Variants in ZNF394 observed in about 807,000 individuals in gnomAD.
ZNF394 encodes the protein zinc finger protein 99.
A neutral mutation model predicts 21.8 loss-of-function variants in ZNF394; 19 were observed. The ratio of observed to expected loss-of-function variants is 0.87; its 90% CI spans 0.61 to 1.28. The LOEUF (loss-of-function observed/expected upper bound fraction) is 1.28, where lower values mean the gene tolerates loss of function less well. ZNF394 is among the 50% of genes most tolerant of loss of function. The probability of loss-of-function intolerance (pLI) is 0.00; values close to 1 mark genes in which losing one functional copy is unlikely to be tolerated. For synonymous variants in ZNF394, 294 were observed against 273.3 expected (o/e 1.08, Z -0.75); for missense variants, 683 against 708.6 (o/e 0.96, Z 0.41).
In ZNF394 at chr7:99,500,214, G is replaced by T. The variant is rs1800480788; in HGVS notation, c.-121C>A. The T allele has an allele frequency of 1.1e-6, 1 of 928,658 alleles. No homozygotes were observed. The highest frequency in any genetic ancestry group is 2.7e-5 in the East Asian group (1 of 36,598). 57.5% of individuals were successfully genotyped at this position (928,658 alleles called of 1,614,324 possible). ...CCAAACACCGGGCCCCACCACACCA[G>T]GCCCCTCTCCACACTCTCCTTTCCT... is the stretch of plus-strand genomic sequence containing the variant. On this transcript the variant is annotated 5_prime_UTR_variant, in exon 1 of 3. It adds an upstream start codon to the 5' untranslated region. Coordinates refer to ENST00000337673, the MANE Select transcript of ZNF394 (RefSeq NM_032164.4).
chr7:99,486,604 T>C (rs1291239335), exon 2 of ZNF394: 1 of 1,614,156 alleles, frequency 6.2e-7, no homozygotes, highest in Non-Finnish European at 8.5e-7. Context: ...GTTACATAAG[T>C]GTAAAGAATT....
chr7:99,499,736 G>T lies in ZNF394; in HGVS notation c.358C>A (p.Leu120Ile). ...EQFLTILPEE[L>I]QAWVREHCPE... ...CAGTGCTCTCGCACCCAGGCTTGAA[G>T]CTCCTCGGGCAGGATGGTGAGGAAC... Residue 120 changes from leucine (L) to isoleucine (I), a missense_variant, in exon 1 of 3, where the codon CTT (leucine) becomes ATT (isoleucine). Coordinates refer to ENST00000337673, the MANE Select transcript of ZNF394 (RefSeq NM_032164.4). The T allele has an allele frequency of 6.2e-7, 1 of 1,614,048 alleles. No individual in the cohort carries two copies. The highest frequency in any genetic ancestry group is 8.5e-7 in the Non-Finnish European group (1 of 1,180,042).
downstream of ZNF394, among the ~76,000 whole-genome samples, chr7:99,490,146 C>CTT (rs943034221): frequency 0.052 from 4,639 of 89,114 alleles, 287 homozygotes; most frequent in East Asian, 0.2. Context: ...AAAACCTCAT[C>CTT]TTTTTTTTTT....
intron 2 of ZNF394, chr7:99,498,515 T>C (rs1298553756): frequency 3.5e-6 from 2 of 566,452 alleles, no homozygotes; most frequent in East Asian, 3.5e-5. Flanking sequence ...TAGTTTTCTG[T>C]ATGTATAAAA....
downstream of ZNF394, among the ~76,000 whole-genome samples, chr7:99,492,969 G>A (rs1562892371): frequency 1.3e-5 from 2 of 152,026 alleles, no homozygotes; most frequent in African/African-American, 4.8e-5. Flanking sequence ...ATACATAAAG[G>A]TAGAGCGCAG....
chr7:99,489,367 C>T (rs540903654), downstream of ZNF394, among the ~76,000 whole-genome samples: 7 of 152,130 alleles, frequency 4.6e-5, no homozygotes, highest in Non-Finnish European at 1.0e-4. Context: ...TCTGGCCTTA[C>T]ACCTTCTGTG....
At position 99,494,792 on chromosome 7, in the gene ZNF394, T is replaced by C. The variant is rs543622891; in HGVS notation, c.584-161A>G. On this transcript the variant is annotated intron_variant, in intron 2 of 2. Transcript: ENST00000337673. ...GCTTTGTCACCAGGCTGGAGTGCAG[T>C]GGTCCGATCTCAGTTCACTGCAACC... Among the ~76,000 whole-genome samples, 4 of 152,302 alleles carry C rather than the reference T, an allele frequency of 2.6e-5. 1 individual carries two copies. The South Asian group carries it at 8.3e-4, about 32-fold the overall frequency.
At chr7:99,488,430 A>G (rs1248631907), downstream of ZNF394, among the ~76,000 whole-genome samples, 1 of 150,882 alleles carries the variant, frequency 6.6e-6, no homozygotes, top group East Asian at 1.9e-4. Context: ...TGGACCTGGG[A>G]GGTGGAGGTT....
At position 99,498,716 on chromosome 7, in the gene ZNF394, T is replaced by G. The variant is rs1800413038; in HGVS notation, c.583A>C (p.Ser195Arg). ...AAACCAGCAGAGCAACAGCACTCAC[T>G]CGGCGGAACTGTGCTCCCGGAATCC... ...QKDSGSTVPP[S>R]LESRVENKEL... The change falls in exon 2 of 3, where the codon AGT (serine) becomes CGT (arginine). Residue 195 changes from serine to arginine, a missense_variant and splice_region_variant. By Grantham distance (110) the Ser-to-Arg change is moderately radical (BLOSUM62 -1). Around this residue, in one of 3 missense-constraint regions of ZNF394, gnomAD observed 402 missense variants for 373.8 expected, o/e 1.08. Coordinates refer to ENST00000337673, the MANE Select transcript of ZNF394 (RefSeq NM_032164.4). The G allele has an allele frequency of 1.2e-5, 19 of 1,613,874 alleles. No homozygotes were observed. Among genetic ancestry groups the G allele is most frequent in the Non-Finnish European group, 1.6e-5 (19 of 1,179,908 alleles).
exon 2 of ZNF394, chr7:99,486,960 T>C: frequency 6.2e-7 from 1 of 1,614,180 alleles, no homozygotes; most frequent in South Asian, 1.1e-5. Flanking sequence ...ATAAACAGTG[T>C]CACCTGCAAA....
chr7:99,490,146 CTTTTTTTTTT>C (rs943034221), downstream of ZNF394, among the ~76,000 whole-genome samples: 1 of 89,194 alleles, frequency 1.1e-5, no homozygotes, highest in African/African-American at 5.0e-5. Flanking sequence ...AAAACCTCAT[CTTTTTTTTTT>C]TTTTTTTTTT....
rs375445747 is a variant in ZNF394 at position 99,499,775 on chromosome 7, G to A, written c.319C>T (p.Leu107=). 2 of 1,614,214 alleles carry A rather than the reference G, an allele frequency of 1.2e-6. No individual in the cohort carries two copies. Among genetic ancestry groups the A allele is most frequent in the South Asian group, 2.2e-5 (2 of 91,084 alleles). ...LLSKEQILEL[L]VLEQFLTILP... ...ATGGTGAGGAACTGCTCCAGCACCA[G>A]CAGCTCCAGGATCTGCTCCTTGGAG... is the stretch of plus-strand genomic sequence containing the variant. Residue 107 remains leucine (L), a synonymous_variant, in exon 1 of 3, where the codon CTG becomes TTG. Coordinates refer to ENST00000337673, the MANE Select transcript of ZNF394 (RefSeq NM_032164.4).
At position 99,500,213 on chromosome 7, in the gene ZNF394, AG is replaced by A; in HGVS notation, c.-121del. The A allele has an allele frequency of 1.1e-6, 1 of 933,742 alleles. No individual in the cohort carries two copies. The highest frequency in any genetic ancestry group is 1.5e-6 in the Non-Finnish European group (1 of 645,282). The allele number at this position is 933,742 out of a possible 1,614,324, so 57.8% of individuals were successfully genotyped here. On this transcript the variant is annotated 5_prime_UTR_variant, in exon 1 of 3. Coordinates refer to ENST00000337673, the MANE Select transcript of ZNF394 (RefSeq NM_032164.4). ...CCCAAACACCGGGCCCCACCACACC[AG>A]GCCCCTCTCCACACTCTCCTTTCCT...
At chr7:99,499,011 G>A (rs1186618877) in intron 1 of ZNF394, among the ~76,000 whole-genome samples, 169 bp from the exon 2 acceptor site, 29 of 152,234 alleles carry the variant, frequency 1.9e-4, no homozygotes, top group Admixed American at 1.9e-3. Flanking sequence ...AATTTTGGAG[G>A]TAGGTAGGAG....
intron 2 of ZNF394, among the ~76,000 whole-genome samples, chr7:99,495,577 G>A (rs1186641772): frequency 6.6e-6 from 1 of 150,488 alleles, no homozygotes; most frequent in Non-Finnish European, 1.5e-5. Context: ...CACCCCCCTC[G>A]GCCTTGCAAA....
At chr7:99,492,073 A>G (rs1399840434), downstream of ZNF394, among the ~76,000 whole-genome samples, 1 of 149,626 alleles carries the variant, frequency 6.7e-6, no homozygotes, top group East Asian at 2.0e-4. Context: ...ACTCCGTCTC[A>G]AGAAAAAAAA....
In ZNF394 at chr7:99,495,991, G is replaced by T. The variant is rs188882197; in HGVS notation, c.584-1360C>A. Among the ~76,000 whole-genome samples the T allele has an allele frequency of 4.9e-3, 711 of 146,510 alleles. 7 individuals are homozygous for T. Among genetic ancestry groups the T allele is most frequent in the African/African-American group, 0.017 (656 of 39,624 alleles). ...GGTTGGAGTGCAATGGCGTGATCTC[G>T]GCTCACTGCAACCTCCACCTCCCAG... is the stretch of plus-strand genomic sequence containing the variant. On this transcript the variant is annotated intron_variant, in intron 2 of 2. Coordinates refer to ENST00000337673, the MANE Select transcript of ZNF394 (RefSeq NM_032164.4).
At chr7:99,487,548 T>C in intron 1 of ZNF394, 1 of 1,524,774 alleles carries the variant, frequency 6.6e-7, no homozygotes, top group Non-Finnish European at 8.8e-7. Flanking sequence ...TTCAAGTGTG[T>C]ATCACGTAAT....
At chr7:99,496,236 G>A (rs147063609) in intron 2 of ZNF394, among the ~76,000 whole-genome samples, 131 of 150,320 alleles carry the variant, frequency 8.7e-4, no homozygotes, top group Admixed American at 4.2e-3. Context: ...GGCTGGTCTC[G>A]AACTCCTGAC....
Sources: gnomAD v4.1 joint callset for allele counts (sites outside exome capture counted in the v4.1 genomes callset) on GRCh38, gnomAD v4.1.1 for gene constraint, gnomAD v4.1.1 regional missense constraint, MANE v1.5 for transcripts, NCBI Gene and HGNC (gene_info 2026-07-23, HGNC 2026-07-21) for gene names.